The following HSD17B3 variants were observed in gnomAD, a reference collection of about 807,000 sequenced individuals.
The protein encoded by HSD17B3 is hydroxysteroid 17-beta dehydrogenase 3.
In HSD17B3, 29 loss-of-function variants were observed where a neutral mutation model predicts 41.1. That is an observed-to-expected ratio of 0.71 (90% confidence interval 0.53 to 0.96). The LOEUF is 0.96. Ranked by LOEUF, HSD17B3 falls within the 40% of genes least tolerant of loss-of-function variation. The pLI is 0.00. For synonymous variants in HSD17B3, 126 were observed against 145.6 expected, an observed-to-expected ratio of 0.87 and a Z score of 0.97; for missense variants, 323 against 374.6, an observed-to-expected ratio of 0.86 and a Z score of 1.14.
In HSD17B3 at chr9:96,240,863, T is replaced by G; in HGVS notation, c.717A>C (p.Leu239=). The change falls in exon 10 of 11, where the codon CTA becomes CTC. Residue 239 remains leucine (L), a synonymous_variant. Transcript: ENST00000375263. ...CAGTCTTGGTTATCACATTTGTATT[T>G]AGATACTTTGTCATTGCAGTCGAGA... ...YAVSTAMTKY[L]NTNVITKTAD... The G allele has an allele frequency of 6.2e-7, 1 of 1,614,218 alleles. No individual in the cohort carries two copies. Among genetic ancestry groups the G allele is most frequent in the South Asian group, 1.1e-5 (1 of 91,080 alleles).
At chr9:96,266,545 C>T (rs534850908) in intron 2 of HSD17B3, among the ~76,000 whole-genome samples, 1 of 152,296 alleles carries the variant, frequency 6.6e-6, no homozygotes, top group East Asian at 1.9e-4. Context: ...GCTGAGATTA[C>T]AGGCATGAGC....
intron 2 of HSD17B3, among the ~76,000 whole-genome samples, chr9:96,276,997 C>T (rs1438973634): frequency 1.3e-5 from 2 of 152,052 alleles, no homozygotes; most frequent in East Asian, 1.9e-4. Flanking sequence ...GTCAGGAGAT[C>T]GAGACCATCC....
intron 2 of HSD17B3, among the ~76,000 whole-genome samples, chr9:96,281,458 A>C (rs2130777590): frequency 6.6e-6 from 1 of 152,238 alleles, no homozygotes; most frequent in Non-Finnish European, 1.5e-5. Flanking sequence ...TCTTAATAAA[A>C]GGCAAGGGCA....
At chr9:96,251,225 A>G in intron 5 of HSD17B3, 193 bp downstream of exon 5, 1 of 606,440 alleles carries the variant, frequency 1.6e-6, no homozygotes, top group Non-Finnish European at 2.9e-6. Flanking sequence ...TCCTAGAGAT[A>G]TCGTGAAAAG....
intron 8 of HSD17B3, 142 bp from the exon 9 acceptor site, chr9:96,244,536 C>CG: frequency 1.3e-6 from 1 of 773,688 alleles, no homozygotes; most frequent in Non-Finnish European, 2.3e-6. Context: ...ACGGAGGGTA[C>CG]GGAGTTTCAG....
chr9:96,274,647 C>T (rs1271660721), intron 2 of HSD17B3, among the ~76,000 whole-genome samples: 1 of 151,812 alleles, frequency 6.6e-6, no homozygotes, highest in African/African-American at 2.4e-5. Flanking sequence ...CTCAATCTAG[C>T]AGAAAAAAGA....
At chr9:96,297,720 A>G (rs1427320017) in intron 2 of HSD17B3, among the ~76,000 whole-genome samples, 2 of 152,148 alleles carry the variant, frequency 1.3e-5, no homozygotes, top group African/African-American at 4.8e-5. Flanking sequence ...TGTATTTGAC[A>G]TGGTTCTAGA....
At chr9:96,257,385 C>G (rs1825706303) in intron 2 of HSD17B3, among the ~76,000 whole-genome samples, 1 of 152,058 alleles carries the variant, frequency 6.6e-6, no homozygotes, top group African/African-American at 2.4e-5. Context: ...GCCCCCCTGC[C>G]CATTTCCCCG....
At chr9:96,285,828 G>A (rs1213632278) in intron 2 of HSD17B3, among the ~76,000 whole-genome samples, 1 of 152,266 alleles carries the variant, frequency 6.6e-6, no homozygotes. Context: ...ACAGAAGATG[G>A]ATTTTCATCC....
chr9:96,235,704 T>C, intron 10 of HSD17B3, 134 bp from the exon 11 acceptor site: 1 of 781,248 alleles, frequency 1.3e-6, no homozygotes, highest in Non-Finnish European at 2.2e-6. Context: ...ATTGATAAAG[T>C]TTAAGGGTCT....
chr9:96,262,572 T>C (rs1032429819), intron 2 of HSD17B3, among the ~76,000 whole-genome samples: 2 of 152,126 alleles, frequency 1.3e-5, no homozygotes, highest in Admixed American at 6.5e-5. Flanking sequence ...TTCTTTATAC[T>C]TTCAAATAAT....
chr9:96,241,063 C>T (rs1734888011), intron 9 of HSD17B3, among the ~76,000 whole-genome samples, 156 bp from the exon 10 acceptor site: 1 of 152,120 alleles, frequency 6.6e-6, no homozygotes, highest in Non-Finnish European at 1.5e-5. Flanking sequence ...AGTACCGGCA[C>T]AGAGCTGGGA....
intron 2 of HSD17B3, among the ~76,000 whole-genome samples, chr9:96,262,829 T>C (rs528226573): frequency 1.3e-5 from 2 of 152,342 alleles, no homozygotes; most frequent in African/African-American, 4.8e-5. Flanking sequence ...GTATATGTTT[T>C]TTCATTCCTT....
intron 2 of HSD17B3, among the ~76,000 whole-genome samples, chr9:96,260,499 T>C (rs1825817789): frequency 6.6e-6 from 1 of 152,202 alleles, no homozygotes; most frequent in African/African-American, 2.4e-5. Context: ...AGACTTAGTT[T>C]ATAATTTAAA....
At chr9:96,283,978 A>G (rs1826806256) in intron 2 of HSD17B3, among the ~76,000 whole-genome samples, 1 of 152,156 alleles carries the variant, frequency 6.6e-6, no homozygotes, top group South Asian at 2.1e-4. Context: ...TAATCCCAGC[A>G]CTTTAGGAGT....
At chr9:96,261,266 G>A (rs1466995734) in intron 2 of HSD17B3, among the ~76,000 whole-genome samples, 2 of 152,104 alleles carry the variant, frequency 1.3e-5, no homozygotes, top group Non-Finnish European at 2.9e-5. Context: ...CATGATGTTG[G>A]CTCACTGCAA....
chr9:96,247,046 C>T (rs542397008), intron 6 of HSD17B3, among the ~76,000 whole-genome samples: 47 of 152,292 alleles, frequency 3.1e-4, no homozygotes, highest in African/African-American at 1.1e-3. Flanking sequence ...CAACCGCTTA[C>T]GCAGCCTGCA....
chr9:96,288,724 C>T (rs1827026765), intron 2 of HSD17B3, among the ~76,000 whole-genome samples: 1 of 152,144 alleles, frequency 6.6e-6, no homozygotes, highest in Non-Finnish European at 1.5e-5. Context: ...ATCACAAGGT[C>T]AGGACATCGA....
chr9:96,281,007 G>A (rs565774336), intron 2 of HSD17B3, among the ~76,000 whole-genome samples: 29 of 152,246 alleles, frequency 1.9e-4, no homozygotes, highest in South Asian at 1.5e-3. Context: ...TGGGCAACCC[G>A]AGGGCTGCTC....
Sources: allele counts gnomAD v4.1 joint callset (sites outside exome capture counted in the v4.1 genomes callset), GRCh38; gene constraint gnomAD v4.1.1; transcripts MANE v1.5; gene names NCBI Gene and HGNC (gene_info 2026-07-23, HGNC 2026-07-21).